The following YEATS2 variants were observed in gnomAD, a reference collection of about 807,000 sequenced individuals.
YEATS2 encodes the protein YEATS domain containing 2, also known as YEATS domain-containing protein 2.
In YEATS2, 77 loss-of-function variants were observed where a neutral mutation model predicts 163.2. The observed-to-expected ratio is 0.47, with a 90% CI of 0.39 to 0.57. The LOEUF is 0.57. Ranked by LOEUF, YEATS2 falls within the 20% of genes least tolerant of loss-of-function variation. The probability of loss-of-function intolerance (pLI) is 0.00; values close to 1 mark genes in which losing one functional copy is unlikely to be tolerated. For synonymous variants in YEATS2, 631 were observed against 645.1 expected (o/e 0.98, Z 0.33); for missense variants, 1,549 against 1,729.8 (o/e 0.90, Z 1.85).
At chr3:183,803,931 G>A in intron 26 of YEATS2, 56 bp from the exon 27 acceptor site, 1 of 1,578,254 alleles carries the variant, frequency 6.3e-7, no homozygotes, top group Non-Finnish European at 8.7e-7. Flanking sequence ...ATGATACGTA[G>A]TTGTGTTAAG....
intron 13 of YEATS2, 27 bp downstream of exon 13, chr3:183,758,992 T>G: frequency 7.3e-7 from 1 of 1,370,032 alleles, no homozygotes; most frequent in Admixed American, 2.5e-5. Flanking sequence ...GTTATTACAC[T>G]TTGCTAGCTT....
At chr3:183,749,464 A>G (rs1186652953) in intron 9 of YEATS2, among the ~76,000 whole-genome samples, 1 of 152,074 alleles carries the variant, frequency 6.6e-6, no homozygotes, top group Admixed American at 6.6e-5. Context: ...AGCACTGGCA[A>G]CTGCTGCTCT....
chr3:183,720,279 G>A (rs1308022834), intron 4 of YEATS2, among the ~76,000 whole-genome samples: 2 of 152,154 alleles, frequency 1.3e-5, no homozygotes, highest in African/African-American at 4.8e-5. Context: ...TTTTATCCTA[G>A]TAATCTGTCT....
In YEATS2 at chr3:183,811,219, C is replaced by T. The variant is rs558767152; in HGVS notation, c.*636C>T. On this transcript the variant is annotated 3_prime_UTR_variant, in exon 31 of 31. Coordinates refer to ENST00000305135, the MANE Select transcript of YEATS2 (RefSeq NM_018023.5). ...AGCATTACTAGAACCATTGTCAAAG[C>T]AGTGGCAAGGGACGGAGAGGTCCCA... is the stretch of plus-strand genomic sequence containing the variant. 1.3e-5 allele frequency: 2 copies of T among 153,132 alleles called. No homozygotes were observed. Among genetic ancestry groups the T allele is most frequent in the African/African-American group, 4.8e-5 (2 of 41,590 alleles). 9.5% of individuals were successfully genotyped at this position (153,132 alleles called of 1,614,324 possible).
intron 21 of YEATS2, among the ~76,000 whole-genome samples, chr3:183,792,422 T>G (rs1464717016): frequency 6.6e-6 from 1 of 152,182 alleles, no homozygotes; most frequent in Non-Finnish European, 1.5e-5. Context: ...TGTGTTCGTT[T>G]GCTGATGAGA....
chr3:183,791,138 A>G (rs749412080), intron 21 of YEATS2, among the ~76,000 whole-genome samples, 158 bp downstream of exon 21: 2 of 152,176 alleles, frequency 1.3e-5, no homozygotes, highest in Non-Finnish European at 2.9e-5. Context: ...GGCTCAAGCC[A>G]TCCTCCCACC....
rs73887515 is a variant in YEATS2 at position 183,786,375 on chromosome 3, A to G, written c.2913+74A>G. The G allele has an allele frequency of 6.8e-3, 9,755 of 1,430,410 alleles. 561 individuals are homozygous for G. The African/African-American group carries it at 0.12, about 18-fold the overall frequency. The allele number at this position is 1,430,410 out of a possible 1,614,324, so 88.6% of individuals were successfully genotyped here. A position where few individuals can be genotyped will look rare whatever the true frequency, so the allele number is the denominator to read the frequency against. ...TGTAGATACAAGGAAGGTGTCCAGC[A>G]GGCACACCAGTGGACCTTTTAAAAA... On this transcript the variant is annotated intron_variant, in intron 20 of 30. Transcript: ENST00000305135.
intron 1 of YEATS2, among the ~76,000 whole-genome samples, chr3:183,714,089 G>A (rs1037622914): frequency 2.7e-4 from 41 of 149,354 alleles, no homozygotes; most frequent in African/African-American, 9.4e-4. Context: ...AGGCATGAGC[G>A]ACCACACCCG....
At chr3:183,803,102 G>A (rs1577225249) in intron 25 of YEATS2, 154 bp from the exon 26 acceptor site, 4 of 710,090 alleles carry the variant, frequency 5.6e-6, no homozygotes, top group Admixed American at 5.0e-5. Context: ...CTGAGGAGAC[G>A]CCCTCCTGTG....
Position 183,775,954 on chromosome 3 carries a change from C to CGGG in YEATS2, c.2408_2409insGGG (p.Gly814dup). 6.3e-7 allele frequency: 1 copy of CGGG among 1,584,540 alleles called. No homozygotes were observed. The highest frequency in any genetic ancestry group is 2.3e-5 in the East Asian group (1 of 43,622). On this transcript the variant is annotated inframe_insertion, in exon 18 of 31. Transcript: ENST00000305135. ...TCAGCTGCCAGTGGTGGGAGTGGTG[C>CGGG]CGGAGGAGGAGGAGGAGGAGGAGGA...
chr3:183,757,001 A>G (rs973093475), intron 12 of YEATS2, among the ~76,000 whole-genome samples: 1 of 152,146 alleles, frequency 6.6e-6, no homozygotes, highest in Non-Finnish European at 1.5e-5. Context: ...ACTGTAAGCA[A>G]TGTGGTTACT....
intron 13 of YEATS2, among the ~76,000 whole-genome samples, chr3:183,761,046 T>TGCA (rs1043846308): frequency 6.6e-6 from 1 of 152,178 alleles, no homozygotes; most frequent in African/African-American, 2.4e-5. Flanking sequence ...AATATTAAAA[T>TGCA]GCAGGTGTAG....
At chr3:183,803,124 C>A in intron 25 of YEATS2, 132 bp from the exon 26 acceptor site, 1 of 904,160 alleles carries the variant, frequency 1.1e-6, no homozygotes, top group Non-Finnish European at 1.7e-6. Context: ...TAGGCTGCAT[C>A]TGAGCTTGCC....
chr3:183,732,868 T>C (rs1424114823), intron 7 of YEATS2, among the ~76,000 whole-genome samples: 1 of 152,096 alleles, frequency 6.6e-6, no homozygotes, highest in Non-Finnish European at 1.5e-5. Flanking sequence ...CAATTTTGTT[T>C]ATTTTTTTAG....
intron 9 of YEATS2, among the ~76,000 whole-genome samples, chr3:183,748,941 A>G (rs370102237): frequency 2.0e-5 from 3 of 151,716 alleles, no homozygotes; most frequent in South Asian, 4.2e-4. Context: ...TATATTTTCA[A>G]AATGTATATA....
intron 7 of YEATS2, among the ~76,000 whole-genome samples, chr3:183,731,288 A>G (rs1717747991): frequency 8.7e-6 from 1 of 115,460 alleles, no homozygotes; most frequent in South Asian, 3.3e-4. Context: ...GCAGAGTGAG[A>G]GTCTGTCTCA....
chr3:183,793,838 C>T (rs545653216), intron 21 of YEATS2, among the ~76,000 whole-genome samples: 1 of 152,222 alleles, frequency 6.6e-6, no homozygotes, highest in East Asian at 1.9e-4. Flanking sequence ...GTCTCAAACT[C>T]CCAACCTCAG....
At chr3:183,784,210 C>T (rs1723839205) in intron 19 of YEATS2, among the ~76,000 whole-genome samples, 2 of 152,202 alleles carry the variant, frequency 1.3e-5, no homozygotes, top group Non-Finnish European at 1.5e-5. Context: ...TTTGAGAAAT[C>T]TCCAAACTGC....
rs996020470 is a variant in YEATS2 at position 183,792,017 on chromosome 3, C to T, written c.3097+1037C>T. On this transcript the variant is annotated intron_variant, in intron 21 of 30. Coordinates refer to ENST00000305135, the MANE Select transcript of YEATS2 (RefSeq NM_018023.5). ...TAGAATACTGTCTGGTGTGTAGTGG[C>T]CATTATATAAACAATTGCCACTGCC... 2.0e-5 allele frequency among the ~76,000 whole-genome samples: 3 copies of T among 152,070 alleles called. No individual in the cohort carries two copies. In the South Asian group the frequency reaches 6.2e-4, roughly 32 times the overall value.
Sources: allele counts gnomAD v4.1 joint callset (sites outside exome capture counted in the v4.1 genomes callset), GRCh38; gene constraint gnomAD v4.1.1; transcripts MANE v1.5; gene names NCBI Gene and HGNC (gene_info 2026-07-23, HGNC 2026-07-21).